The following ZGRF1 variants were observed in gnomAD, a reference collection of about 807,000 sequenced individuals.
The protein encoded by ZGRF1 is zinc finger GRF-type containing 1.
ZGRF1 carries 196 observed loss-of-function variants against 203.5 expected under a neutral mutation model. The observed-to-expected ratio is 0.96, with a 90% confidence interval of 0.86 to 1.08. The LOEUF (loss-of-function observed/expected upper bound fraction) is 1.08. Ranked by LOEUF, ZGRF1 falls within the 50% of genes least tolerant of loss-of-function variation. The pLI, the probability that ZGRF1 is intolerant of heterozygous loss-of-function variation, is 0.00. For missense variants in ZGRF1, 2,326 were observed against 2,416.3 expected (o/e 0.96, Z 0.78); for synonymous variants, 809 against 841.3 (o/e 0.96, Z 0.66).
At chr4:112,582,217 C>T (rs1265667770) in intron 15 of ZGRF1, among the ~76,000 whole-genome samples, 1 of 151,616 alleles carries the variant, frequency 6.6e-6, no homozygotes, top group East Asian at 1.9e-4. Flanking sequence ...GGGAACATTA[C>T]AATTCTTCTC....
chr4:112,621,701 A>C (rs777016626), intron 4 of ZGRF1, among the ~76,000 whole-genome samples: 1 of 149,752 alleles, frequency 6.7e-6, no homozygotes, highest in Non-Finnish European at 1.5e-5. Context: ...TACAAACTCT[A>C]TATCAGATTA....
chr4:112,585,520 G>T (rs769081962), intron 14 of ZGRF1, 21 bp downstream of exon 14: 7 of 1,593,616 alleles, frequency 4.4e-6, no homozygotes, highest in Admixed American at 1.7e-5. Context: ...GGTATGGTAG[G>T]GGGAGGGGAA....
At chr4:112,563,407 A>T (rs1742388673) in intron 16 of ZGRF1, 133 bp from the exon 17 acceptor site, 1 of 597,608 alleles carries the variant, frequency 1.7e-6, no homozygotes, top group East Asian at 2.9e-5. Flanking sequence ...GATGAGAAGT[A>T]AAGTTCTGGA....
intron 14 of ZGRF1, among the ~76,000 whole-genome samples, chr4:112,585,004 G>A (rs1167274666): frequency 6.6e-6 from 1 of 152,142 alleles, no homozygotes; most frequent in African/African-American, 2.4e-5. Flanking sequence ...ATTTCTTTCA[G>A]GCTCATTTCT....
At chr4:112,563,390 T>C in intron 16 of ZGRF1, 116 bp from the exon 17 acceptor site, 1 of 658,472 alleles carries the variant, frequency 1.5e-6, no homozygotes, top group East Asian at 2.8e-5. Flanking sequence ...CACATATACA[T>C]ACACAAGATG....
rs375460141 is a variant in ZGRF1 at position 112,625,392 on chromosome 4, T to TG, written c.103-1517dup. Among the ~76,000 whole-genome samples, 1,407 of 150,044 alleles carry TG rather than the reference T, an allele frequency of 9.4e-3. 17 individuals carry two copies. Among genetic ancestry groups the TG allele is most frequent in the African/African-American group, 0.032 (1,310 of 40,764 alleles). On this transcript the variant is annotated intron_variant, in intron 3 of 27. Coordinates refer to ENST00000505019, the MANE Select transcript of ZGRF1 (RefSeq NM_018392.5). The stretch of plus-strand genomic sequence containing the variant: ...CGAGGTCAGGAGATCGAGACCATCC[T>TG]GCTAACACGGTGAAACCCCATCTCT...
At chr4:112,565,183 C>T (rs1189288104) in intron 16 of ZGRF1, 2 of 1,527,474 alleles carry the variant, frequency 1.3e-6, no homozygotes, top group Non-Finnish European at 1.8e-6. Flanking sequence ...GATTCGCTAA[C>T]TTCCCTTCCA....
chr4:112,587,298 G>A lies in ZGRF1; in HGVS notation c.3759C>T (p.Tyr1253=), dbSNP rs762083699. The change falls in exon 12 of 28, where the codon TAC becomes TAT. Residue 1253 remains tyrosine, a synonymous_variant. Transcript: ENST00000505019. ...NVLGGSTCYN[Y]SVKDLQEISG... ...TCCTCACCTGTAAATCCTTTACACT[G>A]TAGTTGTAGCAGGTAGACCCTCCTA... The A allele has an allele frequency of 1.8e-5, 29 of 1,610,230 alleles. No homozygotes were observed. In the Middle Eastern group the frequency reaches 5.7e-4, roughly 32 times the overall value.
At chr4:112,585,966 G>A (rs1262552993) in intron 13 of ZGRF1, among the ~76,000 whole-genome samples, 1 of 151,990 alleles carries the variant, frequency 6.6e-6, no homozygotes, top group Admixed American at 6.6e-5. Flanking sequence ...GGCCAAGTGT[G>A]GTGGCTCATG....
intron 15 of ZGRF1, 95 bp from the exon 16 acceptor site, chr4:112,581,897 CAT>C (rs542585600): frequency 3.6e-4 from 202 of 560,502 alleles, no homozygotes; most frequent in African/African-American, 3.1e-3. Flanking sequence ...ACCAGGGTTT[CAT>C]ATGTTTACCT....
rs991300086 is a variant in ZGRF1 at position 112,558,526 on chromosome 4, C to T, written c.4961-217G>A. ...GGGATTACCGGCGTGCACCACCACA[C>T]CTGGCTAATTTTTGTATTTTTAGTA... On this transcript the variant is annotated intron_variant, in intron 19 of 27. Transcript: ENST00000505019. Among the ~76,000 whole-genome samples, 27 of 152,136 alleles carry T rather than the reference C, an allele frequency of 1.8e-4. 1 individual carries two copies. The highest frequency in any genetic ancestry group is 1.7e-3 in the Admixed American group (26 of 15,264).
In ZGRF1 at chr4:112,577,451, G is replaced by A. The variant is rs1178700490; in HGVS notation, c.4438+4212C>T. 3.3e-5 allele frequency among the ~76,000 whole-genome samples: 4 copies of A among 122,368 alleles called. 1 individual carries two copies. The highest frequency in any genetic ancestry group is 1.1e-4 in the African/African-American group (4 of 35,248). 80.3% of individuals were successfully genotyped at this position (122,368 alleles called of 152,430 possible). On this transcript the variant is annotated intron_variant, in intron 16 of 27. Transcript: ENST00000505019. The stretch of plus-strand genomic sequence containing the variant: ...CAATATTAACCTTAAATGTAAATGG[G>A]CTAAATGCTCCAATTAAAAGACACA...
Position 112,620,120 on chromosome 4 carries a change from G to C in ZGRF1, c.233C>G (p.Ala78Gly). 1 of 1,613,266 alleles carries C rather than the reference G, an allele frequency of 6.2e-7. No homozygotes were observed. Among genetic ancestry groups the C allele is most frequent in the Non-Finnish European group, 8.5e-7 (1 of 1,179,550 alleles). ...ITVEEVKVAG[A>G]IGIVKQNVNK... ...GACATTCTGCTTAACAATACCTATG[G>C]CTCCAGCAACTTTAACCTCTTCAAC... The change falls in exon 5 of 28, where the codon GCC becomes GGC. Residue 78 changes from alanine (A) to glycine (G), a missense_variant. Transcript: ENST00000505019.
In ZGRF1 at chr4:112,587,090, T is replaced by C. The variant is rs553703101; in HGVS notation, c.3777+190A>G. On this transcript the variant is annotated intron_variant, in intron 12 of 27. Coordinates refer to ENST00000505019, the MANE Select transcript of ZGRF1 (RefSeq NM_018392.5). ...GCACCAGATACTTTCAAATAAATCATTTCATTCAATGTTCACTACTATTAC... is the reference window on the plus strand; with the variant it reads ...GCACCAGATACTTTCAAATAAATCACTTCATTCAATGTTCACTACTATTAC... 1.2e-4 allele frequency among the ~76,000 whole-genome samples: 19 copies of C among 152,312 alleles called. No homozygotes were observed. In the East Asian group the frequency reaches 3.7e-3, roughly 29 times the overall value.
intron 7 of ZGRF1, among the ~76,000 whole-genome samples, chr4:112,609,807 G>GAA (rs1281366426): frequency 8.4e-6 from 1 of 119,470 alleles, no homozygotes; most frequent in Non-Finnish European, 1.8e-5. Context: ...TCAAAACGAA[G>GAA]AAAAAAAAAA....
At chr4:112,546,838 C>T (rs536927768) in intron 24 of ZGRF1, 3 of 152,440 alleles carry the variant, frequency 2.0e-5, no homozygotes, top group African/African-American at 7.2e-5. Context: ...AGGTCTTAGA[C>T]TTCTCAGCCT....
chr4:112,621,114 G>A (rs1215927611), intron 4 of ZGRF1, among the ~76,000 whole-genome samples: 1 of 152,020 alleles, frequency 6.6e-6, no homozygotes, highest in Non-Finnish European at 1.5e-5. Flanking sequence ...GGGATACAAA[G>A]ACAAACAAGA....
chr4:112,568,183 G>C (rs1045882759), intron 16 of ZGRF1, among the ~76,000 whole-genome samples: 1 of 151,676 alleles, frequency 6.6e-6, no homozygotes, highest in Non-Finnish European at 1.5e-5. Context: ...AGAAAGGAGG[G>C]AAAGAATAAA....
At chr4:112,552,700 T>TC (rs2148857602) in intron 22 of ZGRF1, among the ~76,000 whole-genome samples, 1 of 152,324 alleles carries the variant, frequency 6.6e-6, no homozygotes, top group South Asian at 2.1e-4. Context: ...GATTGGTTAT[T>TC]ATTTTCAGTT....
Sources: gnomAD v4.1 joint callset for allele counts (sites outside exome capture counted in the v4.1 genomes callset) on GRCh38, gnomAD v4.1.1 for gene constraint, MANE v1.5 for transcripts, NCBI Gene and HGNC (gene_info 2026-07-23, HGNC 2026-07-21) for gene names.